RALGAPA2: variants seen among roughly 807,000 people sequenced by gnomAD.
RALGAPA2 encodes the protein ral GTPase-activating protein subunit alpha-2.
RALGAPA2 carries 139 observed loss-of-function variants against 230.4 expected under a neutral mutation model. The ratio of observed to expected loss-of-function variants is 0.60; its 90% CI spans 0.53 to 0.69. The LOEUF is 0.69. RALGAPA2 is among the 30% of genes least tolerant of loss of function. RALGAPA2 has a pLI of 0.00. For synonymous variants in RALGAPA2, 847 were observed against 837.8 expected, an observed-to-expected ratio of 1.01 and a Z score of -0.19; for missense variants, 2,163 against 2,276.0, an observed-to-expected ratio of 0.95 and a Z score of 1.01.
intron 38 of RALGAPA2, among the ~76,000 whole-genome samples, chr20:20,401,744 T>C (rs2059845079): frequency 1.3e-5 from 2 of 152,168 alleles, no homozygotes; most frequent in Non-Finnish European, 2.9e-5. Flanking sequence ...GCAATGGAAA[T>C]GTCTGGTAGT....
intron 37 of RALGAPA2, among the ~76,000 whole-genome samples, chr20:20,456,507 C>T (rs1008669026): frequency 6.6e-6 from 1 of 152,366 alleles, no homozygotes; most frequent in East Asian, 1.9e-4. Context: ...CTAGGCTGGC[C>T]TTGTGACCTG....
chr20:20,583,468 TC>T (rs1208199805), intron 19 of RALGAPA2, among the ~76,000 whole-genome samples: 1 of 152,136 alleles, frequency 6.6e-6, no homozygotes, highest in Non-Finnish European at 1.5e-5. Context: ...TATGTATCAT[TC>T]AAGTGGCACT....
intron 26 of RALGAPA2, among the ~76,000 whole-genome samples, chr20:20,532,830 G>C (rs1358015224): frequency 6.6e-6 from 1 of 152,136 alleles, no homozygotes; most frequent in Non-Finnish European, 1.5e-5. Flanking sequence ...AAAAGGGACA[G>C]AAAGGAGAAA....
At chr20:20,454,987 T>G (rs1427534743) in intron 37 of RALGAPA2, among the ~76,000 whole-genome samples, 1 of 152,214 alleles carries the variant, frequency 6.6e-6, no homozygotes, top group East Asian at 1.9e-4. Context: ...GAGAAGGGAA[T>G]GAATATCTGT....
At chr20:20,414,574 T>TCTTGACATAAGCTTGTC (rs1192852955) in intron 37 of RALGAPA2, among the ~76,000 whole-genome samples, 4 of 152,030 alleles carry the variant, frequency 2.6e-5, no homozygotes, top group South Asian at 2.1e-4. Context: ...ATAAGCTTGT[T>TCTTGACATAAGCTTGTC]CTTGTCATAA....
intron 20 of RALGAPA2, among the ~76,000 whole-genome samples, chr20:20,582,669 G>A (rs1408107756): frequency 6.6e-6 from 1 of 151,986 alleles, no homozygotes; most frequent in Non-Finnish European, 1.5e-5. Flanking sequence ...TCTTAAGTTG[G>A]GTAGTAGACT....
rs1364321211 is a variant in RALGAPA2, at chr20:20,521,028, A to C, written c.3973T>G (p.Leu1325Val). ...AAGGGGTCATAATCCGTGGATGACAAGTCAGCCAGGGTCAGTATGTAGTGA... is the reference window on the plus strand; with the variant it reads ...AAGGGGTCATAATCCGTGGATGACACGTCAGCCAGGGTCAGTATGTAGTGA... ...QSHYILTLAD[L>V]SSTDYDPFLP... Residue 1325 changes from leucine (L) to valine (V), a missense_variant, in exon 31 of 40, where the codon TTG becomes GTG. Leu to Val is a conservative substitution (Grantham distance 32). Transcript: ENST00000202677. The C allele has an allele frequency of 1.2e-6, 2 of 1,613,728 alleles. No individual in the cohort carries two copies. The highest frequency in any genetic ancestry group is 1.7e-6 in the Non-Finnish European group (2 of 1,179,808).
chr20:20,543,147 C>G (rs1397835569), intron 24 of RALGAPA2, among the ~76,000 whole-genome samples: 1 of 152,022 alleles, frequency 6.6e-6, no homozygotes, highest in African/African-American at 2.4e-5. Flanking sequence ...CAGGTTCAAG[C>G]GATTCTCCTG....
chr20:20,693,370 A>G (rs1196422397), intron 1 of RALGAPA2, among the ~76,000 whole-genome samples: 1 of 152,264 alleles, frequency 6.6e-6, no homozygotes, highest in Non-Finnish European at 1.5e-5. Context: ...AATGTGAGTT[A>G]TATTACATTT....
chr20:20,704,357 C>T (rs1330469138), intron 1 of RALGAPA2, among the ~76,000 whole-genome samples: 1 of 152,114 alleles, frequency 6.6e-6, no homozygotes, highest in Non-Finnish European at 1.5e-5. Context: ...TCCTCCAGTT[C>T]TAAAAAAATA....
At chr20:20,606,008 T>C (rs2065809192) in intron 14 of RALGAPA2, among the ~76,000 whole-genome samples, 1 of 152,068 alleles carries the variant, frequency 6.6e-6, no homozygotes, top group Non-Finnish European at 1.5e-5. Flanking sequence ...TTCATGCCTC[T>C]CTTAACCACC....
Position 20,512,608 on chromosome 20 carries a change from G to C in RALGAPA2, c.4761C>G (p.Thr1587=). The change falls in exon 32 of 40, where the codon ACC becomes ACG. Residue 1587 remains threonine (T), a synonymous_variant. Transcript: ENST00000202677. ...SHNFDSAMKV[T]SQGQPSPVEP... is the part of the protein sequence containing the mutation. ...CCACTGGGGAGGGCTGCCCTTGGCT[G>C]GTGACTTTCATTGCAGAATCGAAGT... 2 of 1,613,880 alleles carry C rather than the reference G, an allele frequency of 1.2e-6. No homozygotes were observed. Among genetic ancestry groups the C allele is most frequent in the Non-Finnish European group, 1.7e-6 (2 of 1,179,822 alleles).
intron 36 of RALGAPA2, among the ~76,000 whole-genome samples, chr20:20,475,693 ATGT>A (rs1174540813): frequency 2.6e-5 from 4 of 152,284 alleles, no homozygotes; most frequent in Non-Finnish European, 5.9e-5. Context: ...AAGGATGTCT[ATGT>A]TCACCTCTTC....
chr20:20,414,395 G>C (rs1454697918), intron 37 of RALGAPA2, among the ~76,000 whole-genome samples: 3 of 152,208 alleles, frequency 2.0e-5, no homozygotes, highest in Non-Finnish European at 4.4e-5. Flanking sequence ...TGAACAAAAA[G>C]GAAATGCGTG....
At chr20:20,619,716 C>T (rs1258151328) in intron 11 of RALGAPA2, among the ~76,000 whole-genome samples, 1 of 152,168 alleles carries the variant, frequency 6.6e-6, no homozygotes, top group Non-Finnish European at 1.5e-5. Context: ...ATTTGCTTAC[C>T]TATTCATTTA....
In RALGAPA2 at chr20:20,524,318, C is replaced by A. The variant is rs1341866668; in HGVS notation, c.3900+88G>T. Reference sequence around the variant, plus strand: ...TAAATCCTTTTCAAAAGGGCAATGACAAATAAGTACATGCATAAGACATAT... The same window carrying A: ...TAAATCCTTTTCAAAAGGGCAATGAAAAATAAGTACATGCATAAGACATAT... On this transcript the variant is annotated intron_variant, in intron 30 of 39. Coordinates refer to ENST00000202677, the MANE Select transcript of RALGAPA2 (RefSeq NM_020343.4). 16 of 1,511,080 alleles carry A rather than the reference C, an allele frequency of 1.1e-5. No individual in the cohort carries two copies. The South Asian group carries it at 1.8e-4, about 17-fold the overall frequency. 93.6% of individuals were successfully genotyped at this position (1,511,080 alleles called of 1,614,324 possible).
In RALGAPA2 at chr20:20,619,269, C is replaced by G; in HGVS notation, c.1539+8G>C. 6.3e-7 allele frequency: 1 copy of G among 1,590,148 alleles called. No individual in the cohort carries two copies. The highest frequency in any genetic ancestry group is 2.3e-5 in the East Asian group (1 of 44,338). ...GGAGGGGTCTTCATGTCCTGGCCAG[C>G]CACATACCTGCAACAAAGCCTGGAC... On this transcript the variant is annotated splice_region_variant and intron_variant, in intron 12 of 39. Transcript: ENST00000202677.
At chr20:20,627,786 A>C (rs1172733510) in intron 10 of RALGAPA2, among the ~76,000 whole-genome samples, 1 of 152,236 alleles carries the variant, frequency 6.6e-6, no homozygotes, top group Non-Finnish European at 1.5e-5. Context: ...CATGAGTATA[A>C]AAAATTTGTT....
Position 20,628,766 on chromosome 20 carries a change from C to T in RALGAPA2, c.1233+597G>A, listed in dbSNP as rs144884449. 2.6e-3 allele frequency among the ~76,000 whole-genome samples: 394 copies of T among 152,324 alleles called. 4 individuals are homozygous for T. Among genetic ancestry groups the T allele is most frequent in the African/African-American group, 8.9e-3 (371 of 41,572 alleles). On this transcript the variant is annotated intron_variant, in intron 10 of 39. Coordinates refer to ENST00000202677, the MANE Select transcript of RALGAPA2 (RefSeq NM_020343.4). ...AGTTGCAAACCTCTGATGTCACTCA[C>T]GGCCACTAACCGTAGCCTGGGCTTC...
Sources: allele counts gnomAD v4.1 joint callset (sites outside exome capture counted in the v4.1 genomes callset), GRCh38; gene constraint gnomAD v4.1.1; transcripts MANE v1.5; gene names NCBI Gene and HGNC (gene_info 2026-07-23, HGNC 2026-07-21).